Variants in PLCL1 observed in about 807,000 individuals in gnomAD.
The protein encoded by PLCL1 is inactive phospholipase C-like protein 1.
A neutral mutation model predicts 84.4 loss-of-function variants in PLCL1; 41 were observed. The ratio of observed to expected loss-of-function variants is 0.49; its 90% confidence interval spans 0.38 to 0.63. PLCL1 has a LOEUF of 0.63. Ranked by LOEUF, PLCL1 falls within the 30% of genes least tolerant of loss-of-function variation. PLCL1 has a pLI of 0.00. For missense variants in PLCL1, 1,206 were observed against 1,367.8 expected, an observed-to-expected ratio of 0.88 and a Z score of 1.87; for synonymous variants, 490 against 488.3, an observed-to-expected ratio of 1.00 and a Z score of -0.05.
At chr2:198,091,237 G>A (rs946629936) in intron 3 of PLCL1, among the ~76,000 whole-genome samples, 1 of 152,172 alleles carries the variant, frequency 6.6e-6, no homozygotes, top group Non-Finnish European at 1.5e-5. Context: ...ACAGATACAT[G>A]TAATGATGAT....
chr2:197,838,208 T>C (rs1691228601), intron 1 of PLCL1, among the ~76,000 whole-genome samples: 1 of 152,218 alleles, frequency 6.6e-6, no homozygotes, highest in African/African-American at 2.4e-5. Flanking sequence ...CTAATCATCT[T>C]TTAGAGTTTC....
At chr2:197,990,162 C>T (rs751447100) in intron 1 of PLCL1, among the ~76,000 whole-genome samples, 9 of 152,092 alleles carry the variant, frequency 5.9e-5, no homozygotes, top group African/African-American at 9.7e-5. Context: ...TAGACCTAAA[C>T]GAGCTCATCA....
At chr2:197,909,790 G>A (rs1688449520) in intron 1 of PLCL1, among the ~76,000 whole-genome samples, 1 of 152,178 alleles carries the variant, frequency 6.6e-6, no homozygotes, top group African/African-American at 2.4e-5. Context: ...AGGGTCATAG[G>A]ATGTAGTAAA....
chr2:197,846,230 G>A (rs1180529604), intron 1 of PLCL1, among the ~76,000 whole-genome samples: 1 of 152,070 alleles, frequency 6.6e-6, no homozygotes, highest in Non-Finnish European at 1.5e-5. Context: ...CATGACATTT[G>A]GTGGAAGTAT....
chr2:197,907,761 C>A (rs1303398982), intron 1 of PLCL1, among the ~76,000 whole-genome samples: 1 of 152,150 alleles, frequency 6.6e-6, no homozygotes, highest in Admixed American at 6.5e-5. Context: ...TCTTGTCTGG[C>A]CTTCTTGCCT....
At chr2:197,822,509 T>C (rs1690837399) in intron 1 of PLCL1, among the ~76,000 whole-genome samples, 1 of 152,184 alleles carries the variant, frequency 6.6e-6, no homozygotes, top group Non-Finnish European at 1.5e-5. Flanking sequence ...AAATAACCCC[T>C]GACATTTATT....
chr2:197,960,550 T>C (rs1689595381), intron 1 of PLCL1, among the ~76,000 whole-genome samples: 1 of 152,112 alleles, frequency 6.6e-6, no homozygotes, highest in African/African-American at 2.4e-5. Flanking sequence ...AGAGCCATAC[T>C]GCAAATACAT....
intron 1 of PLCL1, among the ~76,000 whole-genome samples, chr2:197,930,974 T>A (rs571594546): frequency 8.5e-5 from 13 of 152,252 alleles, no homozygotes; most frequent in Admixed American, 2.6e-4. Context: ...TCTACATCAG[T>A]GCTGAATGAG....
At position 197,918,969 on chromosome 2, in the gene PLCL1, C is replaced by CTCTCTCTCTCTCTCTCT. The variant is rs1369678298; in HGVS notation, c.240+113630_240+113631insTCTCTCTCTCTCTCTCT. Among the ~76,000 whole-genome samples, 14 of 146,962 alleles carry CTCTCTCTCTCTCTCTCT rather than the reference C, an allele frequency of 9.5e-5. No individual in the cohort carries two copies. The East Asian group carries it at 1.2e-3, about 13-fold the overall frequency. On this transcript the variant is annotated intron_variant, in intron 1 of 5. Coordinates refer to ENST00000428675, the MANE Select transcript of PLCL1 (RefSeq NM_006226.4). Reference sequence around the variant, plus strand: ...CTCTCTCTCTCTCTCTCTCTCTCTCCCTCACACACACACATACACACACAA... The same window carrying CTCTCTCTCTCTCTCTCT: ...CTCTCTCTCTCTCTCTCTCTCTCTCCTCTCTCTCTCTCTCTCTCTCACACACACACATACACACACAA...
intron 3 of PLCL1, among the ~76,000 whole-genome samples, chr2:198,095,264 CA>C (rs1693165787): frequency 6.6e-6 from 1 of 152,192 alleles, no homozygotes; most frequent in African/African-American, 2.4e-5. Flanking sequence ...GAGCAAGCAT[CA>C]CTTCCCCACT....
In PLCL1 at chr2:198,047,444, A is replaced by G. The variant is rs1349562945; in HGVS notation, c.241-36314A>G. Among the ~76,000 whole-genome samples the G allele has an allele frequency of 2.0e-5, 3 of 152,216 alleles. No individual in the cohort carries two copies. In the East Asian group the frequency reaches 5.8e-4, roughly 29 times the overall value. On this transcript the variant is annotated intron_variant, in intron 1 of 5. Coordinates refer to ENST00000428675, the MANE Select transcript of PLCL1 (RefSeq NM_006226.4). ...TGACCCGCCCACCTTGGCCTTTCAA[A>G]GTGCTAGGAATATAGGCATGAGCCA...
intron 1 of PLCL1, among the ~76,000 whole-genome samples, chr2:197,850,021 GAC>G (rs1198403874): frequency 1.1e-5 from 1 of 93,234 alleles, no homozygotes; most frequent in African/African-American, 4.6e-5. Flanking sequence ...CAGACACACA[GAC>G]ACACACAGAC....
At chr2:197,978,350 G>A (rs957646489) in intron 1 of PLCL1, among the ~76,000 whole-genome samples, 12 of 152,226 alleles carry the variant, frequency 7.9e-5, no homozygotes, top group African/African-American at 1.4e-4. Flanking sequence ...GGTGGTGGGC[G>A]CCTGTAGTCC....
chr2:198,139,047 C>T (rs552867330), intron 5 of PLCL1, among the ~76,000 whole-genome samples: 3 of 152,124 alleles, frequency 2.0e-5, no homozygotes, highest in African/African-American at 7.2e-5. Context: ...CCCAGCTACT[C>T]AGGAGGCTGA....
intron 1 of PLCL1, among the ~76,000 whole-genome samples, chr2:197,844,333 G>C (rs1687076513): frequency 6.6e-6 from 1 of 152,048 alleles, no homozygotes; most frequent in Non-Finnish European, 1.5e-5. Flanking sequence ...AGGTTAGTTT[G>C]ACCCATTTTT....
chr2:197,879,937 G>A (rs994102184), intron 1 of PLCL1, among the ~76,000 whole-genome samples: 1 of 152,112 alleles, frequency 6.6e-6, no homozygotes, highest in Admixed American at 6.6e-5. Context: ...GTCCAAAAGA[G>A]AAAAATAAAA....
At chr2:198,002,988 C>T (rs572018920) in intron 1 of PLCL1, among the ~76,000 whole-genome samples, 2 of 152,080 alleles carry the variant, frequency 1.3e-5, no homozygotes, top group Non-Finnish European at 2.9e-5. Context: ...GTTACCATTT[C>T]TAAGCAATTA....
At chr2:198,071,731 T>C (rs986895265) in intron 1 of PLCL1, among the ~76,000 whole-genome samples, 1 of 151,926 alleles carries the variant, frequency 6.6e-6, no homozygotes, top group African/African-American at 2.4e-5. Context: ...GTTTTAAGTT[T>C]CTATATGGTC....
chr2:198,049,090 T>G (rs1373083182), intron 1 of PLCL1, among the ~76,000 whole-genome samples: 1 of 152,180 alleles, frequency 6.6e-6, no homozygotes, highest in Non-Finnish European at 1.5e-5. Context: ...CGTTACATTA[T>G]GGGATTGAGT....
Sources: allele counts gnomAD v4.1 joint callset (sites outside exome capture counted in the v4.1 genomes callset), GRCh38; gene constraint gnomAD v4.1.1; transcripts MANE v1.5; gene names NCBI Gene and HGNC (gene_info 2026-07-23, HGNC 2026-07-21).